Variants in GALNT12 observed in about 807,000 individuals in gnomAD.
GALNT12 encodes UDP-GalNAc:polypeptide N-acetylgalactosaminyltransferase 12.
In GALNT12, 45 loss-of-function variants were observed where a neutral mutation model predicts 55.5. The ratio of observed to expected loss-of-function variants is 0.81; its 90% CI spans 0.64 to 1.04. GALNT12 has a LOEUF of 1.04. GALNT12 is among the 50% of genes least tolerant of loss of function. The pLI, the probability that GALNT12 is intolerant of heterozygous loss-of-function variation, is 0.00. For synonymous variants in GALNT12, 304 were observed against 312.2 expected (o/e 0.97, Z 0.28); for missense variants, 709 against 754.8 (o/e 0.94, Z 0.71).
In GALNT12 at chr9:98,807,803, G is replaced by T; in HGVS notation, c.105G>T (p.Ser35=). 9.3e-7 allele frequency: 1 copy of T among 1,080,234 alleles called. No individual in the cohort carries two copies. The highest frequency in any genetic ancestry group is 1.1e-6 in the Non-Finnish European group (1 of 894,762). The allele number at this position is 1,080,234 out of a possible 1,614,324, so 66.9% of individuals were successfully genotyped here. A position where few individuals can be genotyped will look rare whatever the true frequency, so the allele number is the denominator to read the frequency against. ...LALLALAGLG[S]VLRAQRGAGA... ...TACTGGCGTTGGCCGGGCTGGGCTC[G>T]GTGCTGCGGGCGCAGCGTGGGGCCG... is the stretch of plus-strand genomic sequence containing the variant. Residue 35 remains serine, a synonymous_variant, in exon 1 of 10, where the codon TCG becomes TCT. Coordinates refer to ENST00000375011, the MANE Select transcript of GALNT12 (RefSeq NM_024642.5).
intron 4 of GALNT12, among the ~76,000 whole-genome samples, chr9:98,832,383 C>G (rs6478910): frequency 0.75 from 113,974 of 151,934 alleles, 43,170 homozygotes; most frequent in East Asian, 1. Flanking sequence ...GCTGAGCATG[C>G]TAGTGTGTAT....
chr9:98,831,821 G>T lies in GALNT12; in HGVS notation c.781G>T (p.Asp261Tyr). The T allele has an allele frequency of 6.2e-7, 1 of 1,614,162 alleles. No individual in the cohort carries two copies. The change falls in exon 4 of 10, where the codon GAC becomes TAC. Residue 261 changes from aspartate to tyrosine, a missense_variant. Asp to Tyr is a radical substitution (Grantham distance 160). This residue lies in a region of GALNT12 where 315 missense variants were observed against 288.6 expected (regional missense o/e 1.09). Transcript: ENST00000375011. ...GGTGTGCCCGGTGATTGATGTGATCGACTGGAACACCTTCGAATACCTGGG... is the reference window on the plus strand; with the variant it reads ...GGTGTGCCCGGTGATTGATGTGATCTACTGGAACACCTTCGAATACCTGGG... ...AVVCPVIDVI[D>Y]WNTFEYLGNS...
intron 9 of GALNT12, chr9:98,847,345 A>G (rs1047114551): frequency 3.3e-5 from 5 of 152,154 alleles, no homozygotes; most frequent in Admixed American, 3.3e-4. Flanking sequence ...GCCACACACC[A>G]TGGTGTTACC....
chr9:98,821,741 C>T (rs1835747987), intron 1 of GALNT12, among the ~76,000 whole-genome samples: 1 of 152,100 alleles, frequency 6.6e-6, no homozygotes. Context: ...CAGGTCTCAT[C>T]CTAAATGTCA....
At chr9:98,839,038 GCCT>G (rs977661416) in intron 6 of GALNT12, among the ~76,000 whole-genome samples, 3 of 151,930 alleles carry the variant, frequency 2.0e-5, no homozygotes, top group Non-Finnish European at 4.4e-5. Flanking sequence ...ATTTGCTTCT[GCCT>G]CCTCCGTCTT....
chr9:98,829,146 AT>A (rs1304521417), intron 3 of GALNT12, among the ~76,000 whole-genome samples: 1 of 142,842 alleles, frequency 7.0e-6, no homozygotes, highest in Middle Eastern at 3.8e-3. Context: ...ACTCTTAGTA[AT>A]TTTTTTTATC....
chr9:98,842,141 G>T (rs1461136331), intron 7 of GALNT12, among the ~76,000 whole-genome samples: 1 of 150,210 alleles, frequency 6.7e-6, no homozygotes, highest in African/African-American at 2.5e-5. Flanking sequence ...GTAAACTAAT[G>T]GGTGTTTAAA....
At chr9:98,817,524 C>T (rs1321243516) in intron 1 of GALNT12, among the ~76,000 whole-genome samples, 4 of 151,922 alleles carry the variant, frequency 2.6e-5, no homozygotes, top group East Asian at 1.9e-4. Flanking sequence ...AGTGCAATGG[C>T]GCGATCTTGG....
intron 1 of GALNT12, among the ~76,000 whole-genome samples, chr9:98,822,447 G>A (rs1416792052): frequency 6.6e-6 from 1 of 151,996 alleles, no homozygotes; most frequent in Non-Finnish European, 1.5e-5. Flanking sequence ...CAAAGAGGGA[G>A]CTTATTGGTT....
chr9:98,822,189 A>G (rs1436423982), intron 1 of GALNT12, among the ~76,000 whole-genome samples: 1 of 151,868 alleles, frequency 6.6e-6, no homozygotes, highest in African/African-American at 2.4e-5. Context: ...CCAGCATTTC[A>G]CCCCCTTCTT....
intron 6 of GALNT12, among the ~76,000 whole-genome samples, chr9:98,838,009 A>C (rs1275493245): frequency 6.6e-6 from 1 of 152,206 alleles, no homozygotes; most frequent in South Asian, 2.1e-4. Flanking sequence ...GGCATTGTCC[A>C]TGTGTTTTGG....
chr9:98,832,058 C>A, intron 4 of GALNT12, 101 bp downstream of exon 4: 1 of 979,324 alleles, frequency 1.0e-6, no homozygotes, highest in Non-Finnish European at 1.6e-6. Flanking sequence ...TAGCTGTCAG[C>A]TTAACTACCT....
At chr9:98,812,235 T>C (rs962525093) in intron 1 of GALNT12, among the ~76,000 whole-genome samples, 9 of 152,228 alleles carry the variant, frequency 5.9e-5, no homozygotes, top group African/African-American at 2.2e-4. Flanking sequence ...TCACTCATTC[T>C]GTGTCCATAT....
intron 1 of GALNT12, among the ~76,000 whole-genome samples, chr9:98,818,524 C>T (rs1835666943): frequency 6.6e-6 from 1 of 151,902 alleles, no homozygotes; most frequent in African/African-American, 2.4e-5. Flanking sequence ...CACACCTGGC[C>T]AGCTGTCCCA....
intron 3 of GALNT12, among the ~76,000 whole-genome samples, chr9:98,830,544 T>C (rs530593496): frequency 6.6e-6 from 1 of 152,366 alleles, no homozygotes; most frequent in South Asian, 2.1e-4. Flanking sequence ...AAAATTAGGC[T>C]TTCTGTGGTT....
Position 98,846,018 on chromosome 9 carries a change from C to G in GALNT12, c.1500C>G (p.Thr500=). The change falls in exon 9 of 10, where the codon ACC becomes ACG. Residue 500 remains threonine, a synonymous_variant. Transcript: ENST00000375011. ...YTSQKEIRYN[T]HQPEGCIAVE... is the part of the protein sequence containing the mutation. ...CCCAGAAAGAAATACGCTATAACAC[C>G]CACCAGCCTGAGGGCTGCATTGCTG... 6.2e-7 allele frequency: 1 copy of G among 1,614,134 alleles called. No individual in the cohort carries two copies. Among genetic ancestry groups the G allele is most frequent in the Non-Finnish European group, 8.5e-7 (1 of 1,180,018 alleles).
chr9:98,828,275 T>C (rs972105793), intron 3 of GALNT12, among the ~76,000 whole-genome samples: 3 of 152,176 alleles, frequency 2.0e-5, no homozygotes, highest in African/African-American at 7.2e-5. Flanking sequence ...TGTCCTGGCT[T>C]CTTGTCAGCT....
chr9:98,846,343 C>G (rs1836413823), intron 9 of GALNT12, among the ~76,000 whole-genome samples: 1 of 152,126 alleles, frequency 6.6e-6, no homozygotes, highest in Non-Finnish European at 1.5e-5. Flanking sequence ...ATTAGCACTG[C>G]CTTCCTTCCT....
intron 9 of GALNT12, among the ~76,000 whole-genome samples, chr9:98,846,387 C>G (rs1373961925): frequency 6.6e-6 from 1 of 152,138 alleles, no homozygotes; most frequent in Non-Finnish European, 1.5e-5. Flanking sequence ...TTTCCATTTC[C>G]CTTGCACCCC....
Sources: gnomAD v4.1 joint callset for allele counts (sites outside exome capture counted in the v4.1 genomes callset) on GRCh38, gnomAD v4.1.1 for gene constraint, gnomAD v4.1.1 regional missense constraint, MANE v1.5 for transcripts, NCBI Gene and HGNC (gene_info 2026-07-23, HGNC 2026-07-21) for gene names.